Variants in LOC400499 observed in about 807,000 individuals in gnomAD.
At chr16:11,417,716 C>A in the LOC400499 span, 1 of 399,196 alleles carries the variant, frequency 2.5e-6, no homozygotes, top group Non-Finnish European at 4.4e-6. Flanking sequence ...CAGCTCCGGC[C>A]GGAGAGCTCC....
the LOC400499 span, among the ~76,000 whole-genome samples, chr16:11,523,125 A>T: frequency 6.6e-6 from 1 of 152,312 alleles, no homozygotes; most frequent in East Asian, 1.9e-4. Context: ...AAATGGCATC[A>T]CCTGGCCAAA....
the LOC400499 span, among the ~76,000 whole-genome samples, chr16:11,504,847 C>T: frequency 3.9e-5 from 6 of 151,982 alleles, no homozygotes; most frequent in East Asian, 3.9e-4. Context: ...CACTTGAACT[C>T]GGGAGGCAGA....
the LOC400499 span, among the ~76,000 whole-genome samples, chr16:11,376,209 G>A: frequency 0.44 from 67,563 of 152,030 alleles, 15,788 homozygotes; most frequent in Non-Finnish European, 0.54. Flanking sequence ...CAGTTTGTCT[G>A]TTTCTCCTTT....
At chr16:11,446,609 C>G in the LOC400499 span, 3,078 of 1,536,092 alleles carry the variant, frequency 2.0e-3, 39 homozygotes, top group African/African-American at 0.038. Flanking sequence ...ACTTTGCCAT[C>G]GTATGGATGC....
the LOC400499 span, among the ~76,000 whole-genome samples, chr16:11,393,108 C>T: frequency 2.0e-5 from 3 of 152,140 alleles, no homozygotes; most frequent in South Asian, 2.1e-4. Context: ...CCCACCTCGG[C>T]CTCCCAAAGT....
the LOC400499 span, among the ~76,000 whole-genome samples, chr16:11,397,500 C>A: frequency 2.0e-5 from 3 of 152,098 alleles, 1 homozygote; most frequent in East Asian, 5.8e-4. Context: ...GTCTCGATCT[C>A]CTGACCTCGT....
At chr16:11,456,833 A>G in the LOC400499 span, 17 of 1,536,024 alleles carry the variant, frequency 1.1e-5, no homozygotes, top group Non-Finnish European at 1.5e-5. Flanking sequence ...GCTGCTAGCC[A>G]AGGAGGCCCC....
At chr16:11,487,951 T>G in the LOC400499 span, among the ~76,000 whole-genome samples, 10 of 151,894 alleles carry the variant, frequency 6.6e-5, no homozygotes, top group Middle Eastern at 3.2e-3. Context: ...CCATCTCCAC[T>G]AATAAAAATA....
chr16:11,474,220 T>C, the LOC400499 span, among the ~76,000 whole-genome samples: 1 of 152,318 alleles, frequency 6.6e-6, no homozygotes, highest in African/African-American at 2.4e-5. Context: ...AGCTCTGCTG[T>C]TGTGGGACAA....
At chr16:11,418,480 C>G in the LOC400499 span, among the ~76,000 whole-genome samples, 1 of 152,212 alleles carries the variant, frequency 6.6e-6, no homozygotes, top group African/African-American at 2.4e-5. Context: ...CTCCCACCAG[C>G]ACCATGACAG....
the LOC400499 span, among the ~76,000 whole-genome samples, chr16:11,442,013 G>A: frequency 6.6e-6 from 1 of 152,134 alleles, no homozygotes; most frequent in Non-Finnish European, 1.5e-5. Context: ...TTTAGCTTCT[G>A]CCACAGGCCA....
At chr16:11,522,690 C>A in the LOC400499 span, among the ~76,000 whole-genome samples, 1 of 152,226 alleles carries the variant, frequency 6.6e-6, no homozygotes, top group Admixed American at 6.5e-5. Context: ...CTAACTTACA[C>A]AATCCGCAGC....
At chr16:11,389,055 C>A in the LOC400499 span, among the ~76,000 whole-genome samples, 3 of 152,178 alleles carry the variant, frequency 2.0e-5, no homozygotes, top group Non-Finnish European at 4.4e-5. Context: ...GCATTGTACT[C>A]CAGCCTGGGC....
chr16:11,373,415 C>A, the LOC400499 span, among the ~76,000 whole-genome samples: 1 of 152,024 alleles, frequency 6.6e-6, no homozygotes, highest in Non-Finnish European at 1.5e-5. Flanking sequence ...CTCACGGCAA[C>A]CTCTGCCTCC....
chr16:11,513,556 G>A, the LOC400499 span, among the ~76,000 whole-genome samples: 2 of 151,828 alleles, frequency 1.3e-5, no homozygotes, highest in African/African-American at 2.4e-5. Context: ...TCAGCCTCCC[G>A]AGTAGCTGGA....
chr16:11,391,688 C>CAT, the LOC400499 span: 1 of 1,232,250 alleles, frequency 8.1e-7, no homozygotes, highest in East Asian at 3.2e-5. Context: ...CCCGCAGCTG[C>CAT]TCCAGCCCCA....
the LOC400499 span, among the ~76,000 whole-genome samples, chr16:11,510,413 C>T: frequency 6.6e-6 from 1 of 151,796 alleles, no homozygotes; most frequent in African/African-American, 2.4e-5. Flanking sequence ...TTCCTGTTTC[C>T]GCCCTGAATG....
chr16:11,417,388 C>T, the LOC400499 span, among the ~76,000 whole-genome samples: 29 of 152,280 alleles, frequency 1.9e-4, no homozygotes, highest in African/African-American at 7.0e-4. Flanking sequence ...CCACACCTAG[C>T]TAAGATTTCT....
At chr16:11,408,561 C>A in the LOC400499 span, among the ~76,000 whole-genome samples, 1 of 150,570 alleles carries the variant, frequency 6.6e-6, no homozygotes, top group Non-Finnish European at 1.5e-5. Flanking sequence ...ACCTCCTGGG[C>A]TCAAGCAATT....
Sources: gnomAD v4.1 joint callset for allele counts (sites outside exome capture counted in the v4.1 genomes callset) on GRCh38, gnomAD v4.1.1 for gene constraint, MANE v1.5 for transcripts.